Variants in ROBO2 observed in about 807,000 individuals in gnomAD.
ROBO2 encodes the protein roundabout homolog 2.
Under a neutral mutation model 160.8 loss-of-function variants are expected in ROBO2, and 53 were observed. The observed-to-expected ratio is 0.33, with a 90% CI of 0.26 to 0.41. The LOEUF (loss-of-function observed/expected upper bound fraction) is 0.41, where lower values mean the gene tolerates loss of function less well. ROBO2 is among the 10% of genes least tolerant of loss of function. The pLI, the probability that ROBO2 is intolerant of heterozygous loss-of-function variation, is 1.00. For synonymous variants in ROBO2, 664 were observed against 611.7 expected (o/e 1.09, Z -1.26); for missense variants, 1,577 against 1,722.4 (o/e 0.92, Z 1.49).
chr3:76,062,327 G>A (rs1403585230), intron 2 of ROBO2, among the ~76,000 whole-genome samples: 4 of 107,376 alleles, frequency 3.7e-5, no homozygotes, highest in Admixed American at 9.3e-5. Context: ...AATTTCAGTT[G>A]AAACACAATT....
chr3:75,917,884 G>GTTTGT (rs1300058327), intron 1 of ROBO2, among the ~76,000 whole-genome samples: 2 of 151,844 alleles, frequency 1.3e-5, no homozygotes, highest in Non-Finnish European at 2.9e-5. Context: ...TGATGGGGTT[G>GTTTGT]TTTTTTTCTT....
chr3:77,603,699 C>A (rs907670823), intron 20 of ROBO2: 2 of 152,068 alleles, frequency 1.3e-5, no homozygotes, highest in African/African-American at 2.4e-5. Context: ...GAAAGAAACA[C>A]CCTTTACTGG....
At chr3:76,311,171 C>T (rs1478017031) in intron 2 of ROBO2, 2 of 152,170 alleles carry the variant, frequency 1.3e-5, no homozygotes, top group Non-Finnish European at 2.9e-5. Flanking sequence ...GAAGCTGCTA[C>T]TTCAGCTGTT....
At chr3:77,392,310 C>T (rs774412386) in intron 2 of ROBO2, among the ~76,000 whole-genome samples, 3 of 152,172 alleles carry the variant, frequency 2.0e-5, no homozygotes, top group Non-Finnish European at 2.9e-5. Context: ...AACTTTGTTT[C>T]TGTCACCCTT....
chr3:76,685,147 T>C (rs912353694), intron 2 of ROBO2, among the ~76,000 whole-genome samples: 1 of 151,544 alleles, frequency 6.6e-6, no homozygotes, highest in Non-Finnish European at 1.5e-5. Flanking sequence ...ACCCAGCCCT[T>C]TGTCCAGCCA....
chr3:77,263,488 G>C (rs1580470733), intron 2 of ROBO2, among the ~76,000 whole-genome samples: 1 of 152,108 alleles, frequency 6.6e-6, no homozygotes, highest in East Asian at 1.9e-4. Flanking sequence ...TCCCACTTAG[G>C]AGTGAGAACA....
intron 2 of ROBO2, among the ~76,000 whole-genome samples, chr3:77,397,747 A>C (rs1317684458): frequency 2.0e-5 from 3 of 152,162 alleles, no homozygotes; most frequent in Non-Finnish European, 4.4e-5. Context: ...TTATCTTTTT[A>C]ATAGTTTTCT....
rs570838489 is a variant in ROBO2, at chr3:76,954,718, T to C, written c.110-143296T>C. Among the ~76,000 whole-genome samples, 9 of 152,282 alleles carry C rather than the reference T, an allele frequency of 5.9e-5. No homozygotes were observed. In the East Asian group the frequency reaches 1.7e-3, roughly 29 times the overall value. The stretch of plus-strand genomic sequence containing the variant: ...GGTTTTCAGAATGATTTTATTGTCA[T>C]GAAAAAAGAACACAATTATGCAAAT... On this transcript the variant is annotated intron_variant, in intron 2 of 26. Transcript: ENST00000487694.
intron 2 of ROBO2, among the ~76,000 whole-genome samples, chr3:76,981,978 G>T (rs2060123310): frequency 6.6e-6 from 1 of 152,162 alleles, no homozygotes; most frequent in Non-Finnish European, 1.5e-5. Context: ...CCCACCAGGT[G>T]CCATCTCCAG....
intron 1 of ROBO2, among the ~76,000 whole-genome samples, chr3:75,934,349 A>G (rs1024315847): frequency 1.4e-4 from 21 of 152,208 alleles, no homozygotes. Context: ...GGCATTTAAT[A>G]TTTAATTTTT....
intron 2 of ROBO2, among the ~76,000 whole-genome samples, chr3:75,976,767 A>C (rs903752929): frequency 6.6e-6 from 1 of 151,500 alleles, no homozygotes; most frequent in Non-Finnish European, 1.5e-5. Flanking sequence ...CGGAAGAGGA[A>C]TTAGAAACAA....
chr3:77,540,964 A>C (rs2092434368), intron 6 of ROBO2, among the ~76,000 whole-genome samples: 1 of 152,246 alleles, frequency 6.6e-6, no homozygotes. Context: ...TAACTCAAGC[A>C]TATGAAGGAA....
chr3:77,363,668 T>A (rs1282087766), intron 2 of ROBO2, among the ~76,000 whole-genome samples: 1 of 152,212 alleles, frequency 6.6e-6, no homozygotes, highest in Non-Finnish European at 1.5e-5. Context: ...CGAGCCAGGC[T>A]GTCCAGACAC....
chr3:77,126,369 A>G (rs1303722680), intron 2 of ROBO2, among the ~76,000 whole-genome samples: 2 of 152,204 alleles, frequency 1.3e-5, no homozygotes, highest in Admixed American at 1.3e-4. Context: ...TTGATCCACA[A>G]TTGGCCTACT....
intron 4 of ROBO2, among the ~76,000 whole-genome samples, chr3:77,490,075 A>G (rs2085883086): frequency 6.6e-6 from 1 of 150,786 alleles, no homozygotes; most frequent in Admixed American, 6.6e-5. Context: ...TCCGGACTTC[A>G]ATGGGCATGA....
intron 5 of ROBO2, among the ~76,000 whole-genome samples, chr3:77,517,863 G>T (rs1307830031): frequency 6.6e-6 from 1 of 151,216 alleles, no homozygotes; most frequent in Non-Finnish European, 1.5e-5. Context: ...GAACTTCTCG[G>T]TTATCAGATT....
chr3:77,630,069 C>G (rs926744490), intron 23 of ROBO2: 1 of 152,066 alleles, frequency 6.6e-6, no homozygotes, highest in African/African-American at 2.4e-5. Flanking sequence ...ATGGTGATAA[C>G]AGAAATGGCA....
At chr3:77,487,202 C>G (rs1033168725) in intron 4 of ROBO2, among the ~76,000 whole-genome samples, 5 of 152,070 alleles carry the variant, frequency 3.3e-5, no homozygotes, top group African/African-American at 1.2e-4. Context: ...GGTATAAGAA[C>G]ATGAGGTGTT....
chr3:76,250,137 C>T (rs995123866), intron 2 of ROBO2, among the ~76,000 whole-genome samples: 1 of 151,894 alleles, frequency 6.6e-6, no homozygotes, highest in Admixed American at 6.6e-5. Flanking sequence ...TGTATTCCTG[C>T]CAGCAGTGGT....
Sources: allele counts gnomAD v4.1 joint callset (sites outside exome capture counted in the v4.1 genomes callset), GRCh38; gene constraint gnomAD v4.1.1; transcripts MANE v1.5; gene names NCBI Gene and HGNC (gene_info 2026-07-23, HGNC 2026-07-21).